PJA2: variants seen among roughly 807,000 people sequenced by gnomAD.
PJA2 encodes praja ring finger ubiquitin ligase 2.
PJA2 carries 25 observed loss-of-function variants against 69.3 expected under a neutral mutation model. That is an observed-to-expected ratio of 0.36 (90% CI 0.26 to 0.50). The LOEUF is 0.50. Among genes scored for constraint, PJA2 ranks in the 20% least tolerant of loss-of-function variants. The probability of loss-of-function intolerance (pLI) is 0.96; values close to 1 mark genes in which losing one functional copy is unlikely to be tolerated. For missense variants in PJA2, 809 were observed against 830.2 expected, an observed-to-expected ratio of 0.97 and a Z score of 0.31; for synonymous variants, 308 against 277.8, an observed-to-expected ratio of 1.11 and a Z score of -1.08.
In PJA2 at chr5:109,378,578, T is replaced by C; in HGVS notation, c.909A>G (p.Glu303=). ...ICSEQNTNDR[E]KNHGSSPEQV... is the part of the protein sequence containing the mutation. ...GTTCAGGAGAACTTCCATGGTTCTT[T>C]TCCCTATCATTGGTATTTTGTTCAC... The change falls in exon 4 of 10, where the codon GAA becomes GAG. Residue 303 remains glutamate, a synonymous_variant. Transcript: ENST00000361189. 1.2e-6 allele frequency: 2 copies of C among 1,614,200 alleles called. No homozygotes were observed. The highest frequency in any genetic ancestry group is 1.1e-5 in the South Asian group (1 of 91,078).
rs527917389 is a variant in PJA2, at chr5:109,347,430, CCTCCAGTGTGGGTGGCTT to C, written c.1765-2629_1765-2612del. Among the ~76,000 whole-genome samples the C allele has an allele frequency of 3.3e-5, 5 of 152,338 alleles. No homozygotes were observed. In the South Asian group the frequency reaches 1.0e-3, roughly 32 times the overall value. ...CAGATGGCTTCTCCAGCATCAGACT[CCTCCAGTGTGGGTGGCTT>C]CTCCAGTGCCTGGCTCTTGAAGCAC... is the stretch of plus-strand genomic sequence containing the variant. On this transcript the variant is annotated intron_variant, in intron 7 of 9. Coordinates refer to ENST00000361189, the MANE Select transcript of PJA2 (RefSeq NM_014819.5).
rs546199593 is a variant in PJA2, at chr5:109,382,656, T to C, written c.31+747A>G. Among the ~76,000 whole-genome samples the C allele has an allele frequency of 2.2e-3, 332 of 151,936 alleles. 5 individuals carry two copies. The highest frequency in any genetic ancestry group is 7.2e-3 in the African/African-American group (295 of 41,232). On this transcript the variant is annotated intron_variant, in intron 2 of 9. Transcript: ENST00000361189. ...TGAGGCCAGGAGTTCGAGATCAGCC[T>C]AGCCAACATGGCGAAACCCCGTCTC...
chr5:109,392,034 G>A (rs1747292595), intron 1 of PJA2, among the ~76,000 whole-genome samples: 1 of 152,048 alleles, frequency 6.6e-6, no homozygotes, highest in African/African-American at 2.4e-5. Flanking sequence ...ATAATCTATG[G>A]GTTAAATGTA....
chr5:109,360,952 A>ACCCT (rs1762494530), intron 6 of PJA2, among the ~76,000 whole-genome samples: 1 of 152,068 alleles, frequency 6.6e-6, no homozygotes, highest in Non-Finnish European at 1.5e-5. Flanking sequence ...ACATGGTGAA[A>ACCCT]CCCTGTCTGT....
At chr5:109,359,890 G>A (rs749972751) in intron 6 of PJA2, among the ~76,000 whole-genome samples, 29 of 151,890 alleles carry the variant, frequency 1.9e-4, no homozygotes, top group Admixed American at 4.6e-4. Flanking sequence ...CTTGGATGTC[G>A]GAAATTCATT....
At position 109,354,277 on chromosome 5, in the gene PJA2, T is replaced by C. The variant is rs866342751; in HGVS notation, c.1764+1638A>G. ...TATCTATGATGTCTAGAGATATCTA[T>C]AGATTAGATATCTATGATATCTAGA... On this transcript the variant is annotated intron_variant, in intron 7 of 9. Transcript: ENST00000361189. Among the ~76,000 whole-genome samples the C allele has an allele frequency of 8.3e-3, 1,181 of 142,218 alleles. 23 individuals are homozygous for C. Among genetic ancestry groups the C allele is most frequent in the African/African-American group, 0.032 (1,107 of 34,400 alleles). The allele number at this position is 142,218 out of a possible 152,430, so 93.3% of individuals were successfully genotyped here. A position where few individuals can be genotyped will look rare whatever the true frequency, so the allele number is the denominator to read the frequency against.
intron 3 of PJA2, among the ~76,000 whole-genome samples, chr5:109,380,832 G>C (rs1390282919): frequency 6.8e-6 from 1 of 147,356 alleles, no homozygotes; most frequent in South Asian, 2.1e-4. Flanking sequence ...AAGAACGCCA[G>C]GCATGGTGAC....
intron 4 of PJA2, among the ~76,000 whole-genome samples, chr5:109,369,664 G>C (rs1344753303): frequency 6.6e-6 from 1 of 152,092 alleles, no homozygotes; most frequent in Admixed American, 6.5e-5. Flanking sequence ...TTTTCAAGAA[G>C]TGACATTCAA....
chr5:109,359,605 G>A (rs1235494044), intron 6 of PJA2, among the ~76,000 whole-genome samples: 2 of 152,034 alleles, frequency 1.3e-5, no homozygotes, highest in Non-Finnish European at 2.9e-5. Context: ...CAACCTAAGG[G>A]ACATTCTAAA....
At chr5:109,342,529 G>A (rs1450576958) in intron 9 of PJA2, among the ~76,000 whole-genome samples, 9 of 115,904 alleles carry the variant, frequency 7.8e-5, no homozygotes, top group African/African-American at 1.1e-4. Flanking sequence ...AGGTGGGGGG[G>A]GTCAGCTCCC....
chr5:109,350,230 T>C (rs995921934), intron 7 of PJA2, among the ~76,000 whole-genome samples: 2 of 151,280 alleles, frequency 1.3e-5, no homozygotes, highest in African/African-American at 2.4e-5. Flanking sequence ...GGATCACTTA[T>C]AAGCAACACA....
chr5:109,350,737 A>G (rs376266650), intron 7 of PJA2, among the ~76,000 whole-genome samples: 2 of 152,194 alleles, frequency 1.3e-5, no homozygotes, highest in African/African-American at 2.4e-5. Context: ...CACACAGCCA[A>G]ACTCTTTAAC....
At chr5:109,389,371 C>A (rs1747232856) in intron 1 of PJA2, among the ~76,000 whole-genome samples, 2 of 152,172 alleles carry the variant, frequency 1.3e-5, no homozygotes, top group Admixed American at 1.3e-4. Context: ...TGTCAGCTGA[C>A]TAAACTGTGT....
At chr5:109,360,831 C>T (rs1488281806) in intron 6 of PJA2, among the ~76,000 whole-genome samples, 1 of 152,082 alleles carries the variant, frequency 6.6e-6, no homozygotes, top group Non-Finnish European at 1.5e-5. Flanking sequence ...AATTTAAGTT[C>T]AAATTATATT....
At chr5:109,391,580 G>C (rs1243148580) in intron 1 of PJA2, among the ~76,000 whole-genome samples, 1 of 151,532 alleles carries the variant, frequency 6.6e-6, no homozygotes, top group Non-Finnish European at 1.5e-5. Flanking sequence ...CATCTGAGCT[G>C]AATACATATA....
chr5:109,391,823 G>T (rs1222054426), intron 1 of PJA2, among the ~76,000 whole-genome samples: 2 of 152,050 alleles, frequency 1.3e-5, no homozygotes, highest in African/African-American at 4.8e-5. Flanking sequence ...CACATAGCAA[G>T]AAAACTAAAT....
At chr5:109,358,332 C>T (rs142035246) in intron 6 of PJA2, among the ~76,000 whole-genome samples, 4,642 of 152,316 alleles carry the variant, frequency 0.03, 93 homozygotes, top group Middle Eastern at 0.048. Flanking sequence ...TTGGCCCATC[C>T]CTTCGTTTCC....
rs1582574704 is a variant in PJA2 at position 109,337,053 on chromosome 5, G to GA, written c.*177_*178insT. ...CTGTCTCAACATTCAGCTTAAAAATGTTTAATACTTTCTGCAAACCTAAAT... is the reference window on the plus strand; with the variant it reads ...CTGTCTCAACATTCAGCTTAAAAATGATTTAATACTTTCTGCAAACCTAAAT... On this transcript the variant is annotated 3_prime_UTR_variant, in exon 10 of 10. Coordinates refer to ENST00000361189, the MANE Select transcript of PJA2 (RefSeq NM_014819.5). 2.2e-6 allele frequency: 1 copy of GA among 453,412 alleles called. No homozygotes were observed. The highest frequency in any genetic ancestry group is 3.4e-6 in the Non-Finnish European group (1 of 292,248). 28.1% of individuals were successfully genotyped at this position (453,412 alleles called of 1,614,324 possible). A position where few individuals can be genotyped will look rare whatever the true frequency, so the allele number is the denominator to read the frequency against.
intron 4 of PJA2, among the ~76,000 whole-genome samples, chr5:109,371,572 T>A (rs1303762782): frequency 6.6e-6 from 1 of 152,202 alleles, no homozygotes; most frequent in Non-Finnish European, 1.5e-5. Context: ...AAATTAGACC[T>A]ATATAGTCAA....
Sources: allele counts gnomAD v4.1 joint callset (sites outside exome capture counted in the v4.1 genomes callset), GRCh38; gene constraint gnomAD v4.1.1; transcripts MANE v1.5; gene names NCBI Gene and HGNC (gene_info 2026-07-23, HGNC 2026-07-21).